Variants in TMEM132C observed in about 807,000 individuals in gnomAD.
The protein encoded by TMEM132C is transmembrane protein 132C, also known as protein phosphatase 1, regulatory subunit 152.
A neutral mutation model predicts 61.4 loss-of-function variants in TMEM132C; 29 were observed. The observed-to-expected ratio is 0.47, with a 90% CI of 0.35 to 0.64. The LOEUF is 0.64. Ranked by LOEUF, TMEM132C falls within the 30% of genes least tolerant of loss-of-function variation. The pLI is 0.00. For missense variants in TMEM132C, 1,408 were observed against 1,476.9 expected, an observed-to-expected ratio of 0.95 and a Z score of 0.76; for synonymous variants, 656 against 633.1, an observed-to-expected ratio of 1.04 and a Z score of -0.54.
chr12:128,691,487 A>G (rs1284875023), intron 5 of TMEM132C, among the ~76,000 whole-genome samples: 1 of 152,110 alleles, frequency 6.6e-6, no homozygotes, highest in Non-Finnish European at 1.5e-5. Flanking sequence ...CCATCTGTCC[A>G]GCTATCTACC....
intron 2 of TMEM132C, among the ~76,000 whole-genome samples, chr12:128,510,271 C>T (rs1008365391): frequency 6.6e-6 from 1 of 152,094 alleles, no homozygotes; most frequent in African/African-American, 2.4e-5. Context: ...TGGTGGATCC[C>T]GAAAGCAACC....
At chr12:128,567,272 A>G (rs1874732969) in intron 3 of TMEM132C, among the ~76,000 whole-genome samples, 2 of 152,166 alleles carry the variant, frequency 1.3e-5, no homozygotes, top group South Asian at 4.1e-4. Flanking sequence ...CCCAAACTCA[A>G]TTGAAAAAAA....
rs116176085 is a variant in TMEM132C at position 128,461,785 on chromosome 12, G to A, written c.974+46165G>A. 2.2e-3 allele frequency among the ~76,000 whole-genome samples: 337 copies of A among 152,252 alleles called. 2 individuals are homozygous for A. Among genetic ancestry groups the A allele is most frequent in the African/African-American group, 7.5e-3 (312 of 41,558 alleles). On this transcript the variant is annotated intron_variant, in intron 2 of 8. Coordinates refer to ENST00000435159, the MANE Select transcript of TMEM132C (RefSeq NM_001136103.3). The stretch of plus-strand genomic sequence containing the variant: ...GTGTCACTCTCTATCAAAGCCCCCA[G>A]CAAAGGCCTCTACCTTTATTTTGCT...
intron 1 of TMEM132C, among the ~76,000 whole-genome samples, chr12:128,406,366 C>T (rs1875345170): frequency 6.6e-6 from 1 of 152,176 alleles, no homozygotes; most frequent in Non-Finnish European, 1.5e-5. Flanking sequence ...CAGAAGGGTA[C>T]CCTGCTGGAT....
chr12:128,527,004 T>C (rs1873109213), intron 2 of TMEM132C, among the ~76,000 whole-genome samples: 1 of 152,088 alleles, frequency 6.6e-6, no homozygotes, highest in Non-Finnish European at 1.5e-5. Flanking sequence ...GGCCTCAAAG[T>C]ATACACTTGT....
chr12:128,641,223 A>G (rs1241794800), intron 4 of TMEM132C, among the ~76,000 whole-genome samples: 2 of 151,930 alleles, frequency 1.3e-5, no homozygotes, highest in Non-Finnish European at 2.9e-5. Flanking sequence ...CACTTCCATC[A>G]TCTTCCCCAC....
chr12:128,391,768 A>G (rs955378182), intron 1 of TMEM132C, among the ~76,000 whole-genome samples: 1 of 152,080 alleles, frequency 6.6e-6, no homozygotes, highest in African/African-American at 2.4e-5. Flanking sequence ...GGATTCACAA[A>G]CCTTCAGAGC....
intron 5 of TMEM132C, among the ~76,000 whole-genome samples, chr12:128,677,246 G>A (rs79195986): frequency 0.042 from 6,395 of 152,200 alleles, 384 homozygotes; most frequent in African/African-American, 0.13. Context: ...TATCCAGTCC[G>A]TGTTTTTCAC....
At chr12:128,552,646 C>T (rs946326104) in intron 3 of TMEM132C, among the ~76,000 whole-genome samples, 22 of 152,184 alleles carry the variant, frequency 1.4e-4, no homozygotes, top group African/African-American at 4.3e-4. Flanking sequence ...CGATGGCTCA[C>T]GCCTGTAACC....
intron 5 of TMEM132C, among the ~76,000 whole-genome samples, chr12:128,675,494 T>G (rs1954574397): frequency 6.6e-6 from 1 of 152,204 alleles, no homozygotes; most frequent in Non-Finnish European, 1.5e-5. Flanking sequence ...CATTTTACTT[T>G]TTATTTGGAA....
intron 2 of TMEM132C, among the ~76,000 whole-genome samples, chr12:128,535,296 C>T (rs1873480717): frequency 6.6e-6 from 1 of 152,144 alleles, no homozygotes; most frequent in African/African-American, 2.4e-5. Flanking sequence ...TCAGAGTGAA[C>T]AGGCAACCTA....
chr12:128,373,941 C>G (rs1426952796), intron 1 of TMEM132C, among the ~76,000 whole-genome samples: 1 of 152,222 alleles, frequency 6.6e-6, no homozygotes, highest in Non-Finnish European at 1.5e-5. Context: ...TGGCTTCAGT[C>G]AGGCGAGTAG....
intron 4 of TMEM132C, among the ~76,000 whole-genome samples, chr12:128,660,217 T>G (rs1954372972): frequency 6.6e-6 from 1 of 152,168 alleles, no homozygotes; most frequent in Non-Finnish European, 1.5e-5. Flanking sequence ...GAAGATGGTG[T>G]CACTGTCCAG....
chr12:128,660,457 T>C (rs1440361785), intron 4 of TMEM132C, among the ~76,000 whole-genome samples: 2 of 152,196 alleles, frequency 1.3e-5, no homozygotes, highest in Non-Finnish European at 2.9e-5. Flanking sequence ...GGCCAACTAG[T>C]TTAACCTGCA....
At chr12:128,418,515 A>T (rs1258942209) in intron 2 of TMEM132C, among the ~76,000 whole-genome samples, 1 of 152,196 alleles carries the variant, frequency 6.6e-6, no homozygotes, top group Non-Finnish European at 1.5e-5. Flanking sequence ...TTTCTCCAAC[A>T]TGACTGAAGG....
chr12:128,461,101 A>C (rs1870518858), intron 2 of TMEM132C, among the ~76,000 whole-genome samples: 1 of 152,344 alleles, frequency 6.6e-6, no homozygotes, highest in South Asian at 2.1e-4. Context: ...CTTGTCAGTG[A>C]CCCAAATTTA....
Position 128,278,745 on chromosome 12 carries a change from C to CGTGTGTGTGTGTGTGTGT in TMEM132C, c.85+11262_85+11263insGTGTGTGTGTGTGTGTGT, listed in dbSNP as rs201012004. On this transcript the variant is annotated intron_variant, in intron 1 of 8. Transcript: ENST00000435159. This position sits in a 1 kb window ranked among gnomAD's most constrained non-coding sequence, Gnocchi z 4.2. ...ATATTTGTGCAGACTTGATTCTATA[C>CGTGTGTGTGTGTGTGTGT]GTGTATGTGTGTGTGTGTGTGTGTG... Among the ~76,000 whole-genome samples, 3 of 135,582 alleles carry CGTGTGTGTGTGTGTGTGT rather than the reference C, an allele frequency of 2.2e-5. No homozygotes were observed. The highest frequency in any genetic ancestry group is 3.1e-5 in the Non-Finnish European group (2 of 64,216). 88.9% of individuals were successfully genotyped at this position (135,582 alleles called of 152,430 possible).
intron 2 of TMEM132C, among the ~76,000 whole-genome samples, chr12:128,495,039 G>A (rs183155867): frequency 8.9e-6 from 1 of 112,274 alleles, no homozygotes; most frequent in African/African-American, 3.0e-5. Flanking sequence ...ATTCTGGTAT[G>A]TTGTCTTTGT....
At chr12:128,448,994 A>G (rs1030309651) in intron 2 of TMEM132C, among the ~76,000 whole-genome samples, 3 of 151,802 alleles carry the variant, frequency 2.0e-5, no homozygotes, top group African/African-American at 7.3e-5. Flanking sequence ...AAAATTAGCC[A>G]GGCGCGGTGG....
Sources: gnomAD v4.1 joint callset for allele counts (sites outside exome capture counted in the v4.1 genomes callset) on GRCh38, gnomAD v4.1.1 for gene constraint, Gnocchi (gnomAD v3.1) non-coding constraint, MANE v1.5 for transcripts, NCBI Gene and HGNC (gene_info 2026-07-23, HGNC 2026-07-21) for gene names.